Variants in SCIN observed in about 807,000 individuals in gnomAD.
SCIN encodes scinderin, also known as adseverin.
In SCIN, 91 loss-of-function variants were observed where a neutral mutation model predicts 91.8. The observed-to-expected ratio is 0.99, with a 90% CI of 0.84 to 1.18. SCIN has a LOEUF of 1.18. Ranked by LOEUF, SCIN falls within the 50% of genes most tolerant of loss-of-function variation. SCIN has a pLI of 0.00. For synonymous variants in SCIN, 367 were observed against 312.6 expected (o/e 1.17, Z -1.84); for missense variants, 1,087 against 863.9 (o/e 1.26, Z -3.24).
chr7:12,652,824 C>T lies in SCIN; in HGVS notation c.*109C>T, dbSNP rs1784109363. On this transcript the variant is annotated 3_prime_UTR_variant, in exon 16 of 16. Transcript: ENST00000297029. ...CTTATTTGTCTTTTGAAAATTAAGG[C>T]TGGGCGCGGTGGCTCACACCTGTAA... 13 of 1,406,130 alleles carry T rather than the reference C, an allele frequency of 9.2e-6. No individual in the cohort carries two copies. The South Asian group carries it at 1.2e-4, about 12-fold the overall frequency. 87.1% of individuals were successfully genotyped at this position (1,406,130 alleles called of 1,614,324 possible).
intron 9 of SCIN, among the ~76,000 whole-genome samples, chr7:12,632,906 G>A (rs905645718): frequency 6.6e-6 from 1 of 152,154 alleles, no homozygotes; most frequent in Non-Finnish European, 1.5e-5. Flanking sequence ...ATATATTGGG[G>A]GGATATCAAG....
At chr7:12,612,220 T>C (rs1449563020) in intron 4 of SCIN, among the ~76,000 whole-genome samples, 1 of 152,220 alleles carries the variant, frequency 6.6e-6, no homozygotes, top group Non-Finnish European at 1.5e-5. Context: ...CCCTCATTCA[T>C]GTAGCATTGT....
intron 4 of SCIN, among the ~76,000 whole-genome samples, chr7:12,614,566 A>G (rs759083661): frequency 3.4e-4 from 52 of 152,280 alleles, no homozygotes; most frequent in Non-Finnish European, 4.0e-4. Flanking sequence ...GTAGGAGTAA[A>G]GTGAGACAAC....
intron 1 of SCIN, among the ~76,000 whole-genome samples, chr7:12,576,526 A>G (rs1782376027): frequency 6.6e-6 from 1 of 152,160 alleles, no homozygotes; most frequent in African/African-American, 2.4e-5. Context: ...TGTTCATGTG[A>G]ACTATTAAAT....
In SCIN at chr7:12,659,587, T is replaced by C. The variant is rs1784225819; in HGVS notation, c.*6872T>C. ...TCCATGGTCATCCAGGGGAAGAAAA[T>C]GGCGTACATAACTTATATACCATAT... On this transcript the variant is annotated 3_prime_UTR_variant, in exon 16 of 16. Coordinates refer to ENST00000297029, the MANE Select transcript of SCIN (RefSeq NM_001112706.3). The C allele has an allele frequency of 6.6e-6, 1 of 152,190 alleles. No homozygotes were observed. Among genetic ancestry groups the C allele is most frequent in the Non-Finnish European group, 1.5e-5 (1 of 68,092 alleles). 9.4% of individuals were successfully genotyped at this position (152,190 alleles called of 1,614,324 possible). A position where few individuals can be genotyped will look rare whatever the true frequency, so the allele number is the denominator to read the frequency against.
intron 3 of SCIN, among the ~76,000 whole-genome samples, chr7:12,582,378 G>A (rs1782505579): frequency 6.6e-6 from 1 of 152,148 alleles, no homozygotes. Context: ...ACAGTACAGA[G>A]ATTAAATGTA....
rs1278985308 is a variant in SCIN, at chr7:12,571,070, G to T, written c.199+85G>T. ...GGGTCTGAGATTTGCAGGCGTGGGA[G>T]TAAAGGGGACCGCAAACTGAGCTAG... On this transcript the variant is annotated intron_variant, in intron 1 of 15. Coordinates refer to ENST00000297029, the MANE Select transcript of SCIN (RefSeq NM_001112706.3). 3 of 1,389,538 alleles carry T rather than the reference G, an allele frequency of 2.2e-6. No individual in the cohort carries two copies. In the Admixed American group the frequency reaches 7.7e-5, roughly 36 times the overall value. The allele number at this position is 1,389,538 out of a possible 1,614,324, so 86.1% of individuals were successfully genotyped here.
At chr7:12,615,644 G>A (rs548751619) in intron 4 of SCIN, among the ~76,000 whole-genome samples, 5 of 151,958 alleles carry the variant, frequency 3.3e-5, no homozygotes, top group Non-Finnish European at 1.5e-5. Flanking sequence ...CTTACCATTA[G>A]CATTCAGCCC....
In SCIN at chr7:12,640,445, T is replaced by C. The variant is rs1783835302; in HGVS notation, c.1509T>C (p.Gly503=). 2 of 1,612,914 alleles carry C rather than the reference T, an allele frequency of 1.2e-6. No homozygotes were observed. The highest frequency in any genetic ancestry group is 1.7e-6 in the Non-Finnish European group (2 of 1,179,506). Residue 503 remains glycine, a synonymous_variant, in exon 11 of 16, where the codon GGT becomes GGC. Transcript: ENST00000297029. ...AGAATGGAACATCAAAGAAAGGAGG[T>C]CAGGCACCTGCTCCCCCTACACGCC... is the stretch of plus-strand genomic sequence containing the variant. The part of the protein sequence containing the change: ...IYKNGTSKKG[G]QAPAPPTRLF...
chr7:12,624,527 C>T (rs1470563945), intron 5 of SCIN, among the ~76,000 whole-genome samples: 2 of 152,154 alleles, frequency 1.3e-5, no homozygotes, highest in East Asian at 3.8e-4. Context: ...ATATGGTAGA[C>T]AGTAAATGTT....
chr7:12,625,799 G>C lies in SCIN; in HGVS notation c.930G>C (p.Met310Ile). The change falls in exon 7 of 16, where the codon ATG (methionine) becomes ATC (isoleucine). Residue 310 changes from methionine (M) to isoleucine (I), a missense_variant. Met to Ile is a conservative substitution (Grantham distance 10). Coordinates refer to ENST00000297029, the MANE Select transcript of SCIN (RefSeq NM_001112706.3). Reference protein sequence around the residue: ...DANPQERKAAMKTAEEFLQQM... With the variant: ...DANPQERKAAIKTAEEFLQQM... ...ATCCCCAAGAGAGGAAGGCTGCAAT[G>C]AAGACAGCTGAAGAATTTCTACAGC... 1.2e-6 allele frequency: 2 copies of C among 1,612,720 alleles called. No homozygotes were observed. The highest frequency in any genetic ancestry group is 1.7e-6 in the Non-Finnish European group (2 of 1,179,076).
chr7:12,650,365 T>C (rs1784056194), intron 14 of SCIN, among the ~76,000 whole-genome samples: 1 of 152,250 alleles, frequency 6.6e-6, no homozygotes, highest in African/African-American at 2.4e-5. Flanking sequence ...TCTTGTGTAT[T>C]TAAGAATTAA....
intron 9 of SCIN, among the ~76,000 whole-genome samples, chr7:12,633,482 G>A (rs1783685771): frequency 6.6e-6 from 1 of 152,170 alleles, no homozygotes; most frequent in African/African-American, 2.4e-5. Context: ...GAATCTGTGT[G>A]GATGGCAGTT....
rs1783441737 is a variant in SCIN at position 12,623,005 on chromosome 7, C to A, written c.759+112C>A. On this transcript the variant is annotated intron_variant, in intron 5 of 15. Coordinates refer to ENST00000297029, the MANE Select transcript of SCIN (RefSeq NM_001112706.3). ...AGTTGAGAACTCTCCTCATTGCTCTCCAAGAGCAATGTGTAGATAGAATCA... is the reference window on the plus strand; with the variant it reads ...AGTTGAGAACTCTCCTCATTGCTCTACAAGAGCAATGTGTAGATAGAATCA... The A allele has an allele frequency of 8.2e-6, 5 of 613,450 alleles. No homozygotes were observed. The Admixed American group carries it at 8.2e-5, about 10-fold the overall frequency. 38.0% of individuals were successfully genotyped at this position (613,450 alleles called of 1,614,324 possible).
intron 1 of SCIN, among the ~76,000 whole-genome samples, chr7:12,574,443 G>A (rs934687439): frequency 6.6e-6 from 1 of 152,074 alleles, no homozygotes; most frequent in Non-Finnish European, 1.5e-5. Flanking sequence ...GATGTTTTTG[G>A]TGGAACTATA....
chr7:12,614,307 T>A (rs2115261924), intron 4 of SCIN, among the ~76,000 whole-genome samples: 1 of 152,276 alleles, frequency 6.6e-6, no homozygotes, highest in Non-Finnish European at 1.5e-5. Context: ...AACACAGGAA[T>A]TAAATAATCT....
chr7:12,639,993 T>C (rs1318068799), intron 10 of SCIN, among the ~76,000 whole-genome samples: 3 of 152,012 alleles, frequency 2.0e-5, no homozygotes, highest in African/African-American at 4.8e-5. Flanking sequence ...GAAAGAAGAG[T>C]GATTTTCACA....
intron 9 of SCIN, among the ~76,000 whole-genome samples, chr7:12,635,169 A>AAAT (rs991153390): frequency 1.0e-3 from 151 of 151,298 alleles, no homozygotes; most frequent in East Asian, 6.6e-3. Context: ...ACTCTGTCTC[A>AAAT]AATAATAATA....
At position 12,640,545 on chromosome 7, in the gene SCIN, C is replaced by G. The variant is rs745441934; in HGVS notation, c.1581+28C>G. ...AATGTCATGCATTCCATAAAACATG[C>G]CCTAGTTATGGACTTCCCAATGGAC... On this transcript the variant is annotated intron_variant, in intron 11 of 15. Coordinates refer to ENST00000297029, the MANE Select transcript of SCIN (RefSeq NM_001112706.3). The G allele has an allele frequency of 2.6e-6, 4 of 1,565,828 alleles. No homozygotes were observed. In the East Asian group the frequency reaches 9.5e-5, roughly 37 times the overall value.
Sources: allele counts gnomAD v4.1 joint callset (sites outside exome capture counted in the v4.1 genomes callset), GRCh38; gene constraint gnomAD v4.1.1; transcripts MANE v1.5; gene names NCBI Gene and HGNC (gene_info 2026-07-23, HGNC 2026-07-21).